Variants in OR51B5 observed in about 807,000 individuals in gnomAD.
The protein encoded by OR51B5 is olfactory receptor family 51 subfamily B member 5.
For missense variants in OR51B5, 456 were observed against 374.6 expected (o/e 1.22, Z -1.79); for synonymous variants, 186 against 144.8 (o/e 1.28, Z -2.04).
At chr11:5,427,306 A>G (rs987246614) in intron 1 of OR51B5, among the ~76,000 whole-genome samples, 35 of 152,250 alleles carry the variant, frequency 2.3e-4, no homozygotes, top group African/African-American at 8.4e-4. Flanking sequence ...ACAGAGAATG[A>G]AAGTGAGGCG....
chr11:5,370,525 T>A (rs535982631), intron 1 of OR51B5, among the ~76,000 whole-genome samples: 1 of 152,210 alleles, frequency 6.6e-6, no homozygotes, highest in East Asian at 1.9e-4. Context: ...TCTCTTTCTT[T>A]CATTCTTACT....
intron 1 of OR51B5, among the ~76,000 whole-genome samples, chr11:5,397,292 T>C (rs1193321992): frequency 1.3e-5 from 2 of 152,148 alleles, no homozygotes; most frequent in East Asian, 1.9e-4. Context: ...AGAAAATTTT[T>C]GCAATCTACT....
chr11:5,440,169 T>C (rs1850655751), intron 1 of OR51B5, among the ~76,000 whole-genome samples: 2 of 152,228 alleles, frequency 1.3e-5, no homozygotes, highest in South Asian at 4.1e-4. Flanking sequence ...ATTTTGTCTC[T>C]CTTTAATATT....
intron 1 of OR51B5, among the ~76,000 whole-genome samples, chr11:5,442,640 A>T (rs1850707706): frequency 6.6e-6 from 1 of 152,136 alleles, no homozygotes; most frequent in African/African-American, 2.4e-5. Flanking sequence ...AGAAGCTTGT[A>T]TTTTATCATT....
intron 1 of OR51B5, among the ~76,000 whole-genome samples, chr11:5,425,656 A>C (rs1325752377): frequency 6.6e-6 from 1 of 152,202 alleles, no homozygotes; most frequent in African/African-American, 2.4e-5. Flanking sequence ...CCTAAAACGC[A>C]AATAACTATA....
At chr11:5,388,759 A>T (rs538326067) in intron 1 of OR51B5, among the ~76,000 whole-genome samples, 13 of 152,052 alleles carry the variant, frequency 8.5e-5, no homozygotes, top group Non-Finnish European at 1.5e-4. Flanking sequence ...AGTAGTACAA[A>T]AGATGAGTCA....
intron 1 of OR51B5, among the ~76,000 whole-genome samples, chr11:5,357,028 A>G (rs1274476746): frequency 1.3e-5 from 2 of 152,116 alleles, no homozygotes; most frequent in Non-Finnish European, 2.9e-5. Context: ...AAACATGCCA[A>G]ATTGTAAAGA....
At chr11:5,484,890 A>C (rs80092422) in intron 1 of OR51B5, among the ~76,000 whole-genome samples, 3,901 of 152,298 alleles carry the variant, frequency 0.026, 169 homozygotes, top group African/African-American at 0.087. Flanking sequence ...CTGCCTTTTA[A>C]AAAAGTTTTT....
intron 1 of OR51B5, chr11:5,392,957 T>C (rs1281213567): frequency 6.6e-6 from 1 of 152,218 alleles, no homozygotes; most frequent in Non-Finnish European, 1.5e-5. Flanking sequence ...TGCTGTTAAG[T>C]ATGTGGTAAA....
chr11:5,422,228 G>A, intron 1 of OR51B5: 1 of 1,612,722 alleles, frequency 6.2e-7, no homozygotes, highest in Non-Finnish European at 8.5e-7. Context: ...CACCACACAA[G>A]AAGGCATCTA....
At chr11:5,485,125 C>T (rs572365158) in intron 1 of OR51B5, among the ~76,000 whole-genome samples, 1 of 152,270 alleles carries the variant, frequency 6.6e-6, no homozygotes, top group South Asian at 2.1e-4. Flanking sequence ...CACCCCTCCA[C>T]CAAAGGTGAT....
chr11:5,471,037 A>C (rs7127079), intron 1 of OR51B5, among the ~76,000 whole-genome samples: 7,189 of 152,278 alleles, frequency 0.047, 610 homozygotes, highest in African/African-American at 0.16. Flanking sequence ...GCAAGACCAC[A>C]TAAGAACTTG....
chr11:5,418,333 C>G (rs1337900524), intron 1 of OR51B5, among the ~76,000 whole-genome samples: 2 of 151,868 alleles, frequency 1.3e-5, no homozygotes, highest in Non-Finnish European at 2.9e-5. Context: ...TGCAGCGCAC[C>G]AGCATGTCAC....
rs992213865 is a variant in OR51B5, at chr11:5,395,134, C to G, written n.85-48224G>C. On this transcript the variant is annotated intron_variant and non_coding_transcript_variant, in intron 1 of 4. Transcript: ENST00000415970. ...AACTGGGCATCTCAAATGCTTTGGTCTAGGAGGATGCTAATCCCTCTTTGA... is the reference window on the plus strand; with the variant it reads ...AACTGGGCATCTCAAATGCTTTGGTGTAGGAGGATGCTAATCCCTCTTTGA... Among the ~76,000 whole-genome samples, 6 of 152,114 alleles carry G rather than the reference C, an allele frequency of 3.9e-5. No individual in the cohort carries two copies. In the South Asian group the frequency reaches 1.2e-3, roughly 32 times the overall value.
intron 1 of OR51B5, chr11:5,441,223 C>A (rs186053043): frequency 6.2e-7 from 1 of 1,613,952 alleles, no homozygotes; most frequent in East Asian, 2.2e-5. Context: ...ACCAGGCAAG[C>A]ATTAAACGCA....
At position 5,404,209 on chromosome 11, in the gene OR51B5, T is replaced by C. The variant is rs913827873; in HGVS notation, n.85-57299A>G. Reference sequence around the variant, plus strand: ...GCGGAACTTGAAGAACTTTTCTGTCTAGCTAAGGATTGTAAATGCACCAAT... The same window carrying C: ...GCGGAACTTGAAGAACTTTTCTGTCCAGCTAAGGATTGTAAATGCACCAAT... On this transcript the variant is annotated intron_variant and non_coding_transcript_variant, in intron 1 of 4. Transcript: ENST00000415970. 7.2e-5 allele frequency among the ~76,000 whole-genome samples: 11 copies of C among 151,942 alleles called. No individual in the cohort carries two copies. In the East Asian group the frequency reaches 1.7e-3, roughly 24 times the overall value.
intron 1 of OR51B5, chr11:5,352,078 A>T: frequency 1.2e-6 from 2 of 1,614,054 alleles, no homozygotes; most frequent in Non-Finnish European, 1.7e-6. Flanking sequence ...TGCTGACATC[A>T]CCTTCAACCG....
chr11:5,422,653 T>C, intron 1 of OR51B5: 1 of 1,614,104 alleles, frequency 6.2e-7, no homozygotes, highest in Non-Finnish European at 8.5e-7. Context: ...TAGCCATCAT[T>C]TGCTGCTGTG....
intron 1 of OR51B5, among the ~76,000 whole-genome samples, chr11:5,360,554 T>A (rs1849267600): frequency 6.6e-6 from 1 of 151,946 alleles, no homozygotes; most frequent in Admixed American, 6.6e-5. Flanking sequence ...GACTGTAAAC[T>A]AGTTCAACCA....
Sources: allele counts gnomAD v4.1 joint callset (sites outside exome capture counted in the v4.1 genomes callset), GRCh38; gene constraint gnomAD v4.1.1; transcripts MANE v1.5; gene names NCBI Gene and HGNC (gene_info 2026-07-23, HGNC 2026-07-21).